OPCML: variants seen among roughly 807,000 people sequenced by gnomAD.
OPCML encodes the protein opioid-binding protein/cell adhesion molecule.
A neutral mutation model predicts 37.8 loss-of-function variants in OPCML; 13 were observed. The ratio of observed to expected loss-of-function variants is 0.34; its 90% CI spans 0.22 to 0.55. The LOEUF is 0.55. OPCML is among the 20% of genes least tolerant of loss of function. The pLI, the probability that OPCML is intolerant of heterozygous loss-of-function variation, is 0.91. For synonymous variants in OPCML, 176 were observed against 168.8 expected (o/e 1.04, Z -0.33); for missense variants, 341 against 435.6 (o/e 0.78, Z 1.93).
chr11:133,334,707 C>G (rs747021080), intron 1 of OPCML, among the ~76,000 whole-genome samples: 9 of 152,124 alleles, frequency 5.9e-5, no homozygotes, highest in Non-Finnish European at 1.3e-4. Flanking sequence ...ATGTTAGGGT[C>G]CAGAACAAGC....
At chr11:133,378,842 C>T (rs1321080452) in intron 1 of OPCML, among the ~76,000 whole-genome samples, 1 of 152,082 alleles carries the variant, frequency 6.6e-6, no homozygotes, top group Admixed American at 6.5e-5. Context: ...CAGAGATCCT[C>T]CTGGAGCCTC....
At chr11:132,501,877 T>C (rs762219540) in intron 4 of OPCML, among the ~76,000 whole-genome samples, 47 of 152,328 alleles carry the variant, frequency 3.1e-4, no homozygotes, top group Non-Finnish European at 6.3e-4. Context: ...CCCTCCTATC[T>C]GCTATATCTT....
chr11:132,860,828 C>G (rs969771290), intron 2 of OPCML: 1 of 152,156 alleles, frequency 6.6e-6, no homozygotes, highest in Non-Finnish European at 1.5e-5. Flanking sequence ...CCTCAATCAG[C>G]TCCGAAATGT....
At chr11:133,201,187 G>A (rs1207696701) in intron 1 of OPCML, among the ~76,000 whole-genome samples, 1 of 152,058 alleles carries the variant, frequency 6.6e-6, no homozygotes, top group Non-Finnish European at 1.5e-5. Context: ...GTATTATGCT[G>A]ATTACCCAGG....
intron 2 of OPCML, among the ~76,000 whole-genome samples, chr11:132,689,575 GA>G (rs1565778035): frequency 6.6e-6 from 1 of 152,294 alleles, no homozygotes; most frequent in East Asian, 1.9e-4. Context: ...ATTTTTGACT[GA>G]GATGGCTCAA....
At chr11:133,473,517 G>A (rs1407019026) in intron 1 of OPCML, among the ~76,000 whole-genome samples, 1 of 152,152 alleles carries the variant, frequency 6.6e-6, no homozygotes, top group Non-Finnish European at 1.5e-5. Flanking sequence ...GTTGGTTAGT[G>A]AACAAGGTTA....
intron 2 of OPCML, among the ~76,000 whole-genome samples, chr11:132,757,819 A>G (rs775807040): frequency 2.0e-5 from 3 of 152,104 alleles, no homozygotes; most frequent in Non-Finnish European, 4.4e-5. Context: ...CCATTTGTCA[A>G]TTTTGACTTT....
At position 133,030,096 on chromosome 11, in the gene OPCML, C is replaced by T. The variant is rs139618695; in HGVS notation, c.62-87086G>A. 3.3e-3 allele frequency among the ~76,000 whole-genome samples: 497 copies of T among 152,256 alleles called. 2 individuals carry two copies. The highest frequency in any genetic ancestry group is 0.011 in the African/African-American group (474 of 41,540). ...AGGAGTGGATCTGGGGAGAAATGCC[C>T]TCTTCTGGCCACACTACATTCCCAG... On this transcript the variant is annotated intron_variant, in intron 1 of 7. Transcript: ENST00000524381.
intron 1 of OPCML, among the ~76,000 whole-genome samples, chr11:133,467,012 A>C (rs1195842249): frequency 6.6e-6 from 1 of 152,176 alleles, no homozygotes; most frequent in Non-Finnish European, 1.5e-5. Flanking sequence ...TTTCTTCCCC[A>C]AAAAAGTTCA....
chr11:133,477,556 G>A (rs764963221), intron 1 of OPCML, among the ~76,000 whole-genome samples: 5 of 152,114 alleles, frequency 3.3e-5, no homozygotes, highest in Non-Finnish European at 7.3e-5. Context: ...AGTTTGATGC[G>A]GGTTTTTTTT....
intron 1 of OPCML, among the ~76,000 whole-genome samples, chr11:133,169,304 T>C (rs7104871): frequency 0.43 from 65,385 of 151,990 alleles, 14,514 homozygotes; most frequent in South Asian, 0.54. Context: ...ATTTCTTAAC[T>C]ATTTTGTCAT....
At position 132,791,967 on chromosome 11, in the gene OPCML, A is replaced by T. The variant is rs1379039658; in HGVS notation, c.147-134648T>A. ...ACATTATGGGCGCCCATTTTGTGAAATAAAGGAACAAATGAGAGAAAGAGC... is the reference window on the plus strand; with the variant it reads ...ACATTATGGGCGCCCATTTTGTGAATTAAAGGAACAAATGAGAGAAAGAGC... On this transcript the variant is annotated intron_variant, in intron 2 of 7. Transcript: ENST00000524381. Among the ~76,000 whole-genome samples the T allele has an allele frequency of 2.0e-5, 3 of 152,188 alleles. No homozygotes were observed. In the East Asian group the frequency reaches 5.8e-4, roughly 29 times the overall value.
chr11:132,740,935 T>A (rs918028213), intron 2 of OPCML, among the ~76,000 whole-genome samples: 1 of 152,176 alleles, frequency 6.6e-6, no homozygotes, highest in African/African-American at 2.4e-5. Flanking sequence ...CAGCACCGAA[T>A]CCTTACTCTC....
chr11:133,459,458 G>T (rs1423516034), intron 1 of OPCML, among the ~76,000 whole-genome samples: 1 of 152,076 alleles, frequency 6.6e-6, no homozygotes, highest in East Asian at 1.9e-4. Context: ...AAGAATCCAA[G>T]CATATCCTAT....
chr11:132,812,601 G>T (rs777501731), intron 2 of OPCML, among the ~76,000 whole-genome samples: 7 of 152,156 alleles, frequency 4.6e-5, no homozygotes, highest in Non-Finnish European at 8.8e-5. Flanking sequence ...CAGATGGTCT[G>T]CTCCCTTCTT....
At chr11:132,615,625 G>A (rs1051570155) in intron 3 of OPCML, among the ~76,000 whole-genome samples, 9 of 152,066 alleles carry the variant, frequency 5.9e-5, no homozygotes, top group Non-Finnish European at 8.8e-5. Context: ...TATATGAGAG[G>A]AAGTTCATAG....
At chr11:132,924,716 C>T (rs1944929842) in intron 2 of OPCML, among the ~76,000 whole-genome samples, 1 of 152,134 alleles carries the variant, frequency 6.6e-6, no homozygotes, top group African/African-American at 2.4e-5. Context: ...AAATCATATG[C>T]CTAAGCATAG....
chr11:133,276,011 G>T (rs116262074), intron 1 of OPCML, among the ~76,000 whole-genome samples: 26 of 152,242 alleles, frequency 1.7e-4, no homozygotes, highest in Admixed American at 3.3e-4. Flanking sequence ...AAGAGAGATG[G>T]TTAGAAAATG....
chr11:133,219,869 C>G (rs902629016), intron 1 of OPCML, among the ~76,000 whole-genome samples: 2 of 152,148 alleles, frequency 1.3e-5, no homozygotes, highest in African/African-American at 4.8e-5. Context: ...ATGCACAGAA[C>G]CCCCTTCCCA....
Sources: gnomAD v4.1 joint callset for allele counts (sites outside exome capture counted in the v4.1 genomes callset) on GRCh38, gnomAD v4.1.1 for gene constraint, MANE v1.5 for transcripts, NCBI Gene and HGNC (gene_info 2026-07-23, HGNC 2026-07-21) for gene names.